Variants in ZNF765 observed in about 807,000 individuals in gnomAD.
The protein encoded by ZNF765 is zinc finger protein 765.
Under a neutral mutation model 44.7 loss-of-function variants are expected in ZNF765, and 37 were observed. The ratio of observed to expected loss-of-function variants is 0.83; its 90% confidence interval spans 0.64 to 1.09. The LOEUF (loss-of-function observed/expected upper bound fraction) is 1.09, where lower values mean the gene tolerates loss of function less well. Among genes scored for constraint, ZNF765 ranks in the 50% least tolerant of loss-of-function variants. The pLI, the probability that ZNF765 is intolerant of heterozygous loss-of-function variation, is 0.00. For synonymous variants in ZNF765, 201 were observed against 213.7 expected (o/e 0.94, Z 0.52); for missense variants, 594 against 626.1 (o/e 0.95, Z 0.55).
exon 4 of ZNF765, chr19:53,424,458 G>A (rs1024623484): frequency 6.6e-6 from 1 of 151,970 alleles, no homozygotes; most frequent in African/African-American, 2.4e-5. Context: ...TGTGTGACAA[G>A]AGTGATACTC....
downstream of ZNF765, among the ~76,000 whole-genome samples, chr19:53,413,894 C>T (rs993263330): frequency 4.5e-5 from 6 of 133,700 alleles, no homozygotes; most frequent in African/African-American, 1.4e-4. Context: ...ACAAACCTGC[C>T]TTCCATTTTA....
intron 2 of ZNF765, among the ~76,000 whole-genome samples, chr19:53,401,478 G>A (rs991601700): frequency 6.6e-6 from 1 of 152,070 alleles, no homozygotes; most frequent in African/African-American, 2.4e-5. Context: ...CAGGAGAATG[G>A]CGTGAACCGG....
Position 53,400,649 on chromosome 19 carries a change from A to G in ZNF765, c.16-1416A>G, listed in dbSNP as rs955293377. On this transcript the variant is annotated intron_variant, in intron 2 of 3. Transcript: ENST00000396408. Reference sequence around the variant, plus strand: ...TACATATACATACATATACACATGCACAAATATATATATTTTGAACAACTT... The same window carrying G: ...TACATATACATACATATACACATGCGCAAATATATATATTTTGAACAACTT... 4.6e-5 allele frequency among the ~76,000 whole-genome samples: 7 copies of G among 151,994 alleles called. No individual in the cohort carries two copies. The East Asian group carries it at 9.7e-4, about 21-fold the overall frequency.
chr19:53,414,999 C>T (rs113346784), downstream of ZNF765, among the ~76,000 whole-genome samples: 41,072 of 152,108 alleles, frequency 0.27, 7,071 homozygotes, highest in South Asian at 0.38. Context: ...TGGCCACGCA[C>T]GGTGGCTTAC....
At chr19:53,426,730 A>G (rs1007791574) in exon 4 of ZNF765, 1 of 148,244 alleles carries the variant, frequency 6.7e-6, no homozygotes, top group Non-Finnish European at 1.5e-5. Context: ...AGATCAAACT[A>G]ATGCCTGATG....
At chr19:53,395,993 TG>T (rs201612114) in intron 1 of ZNF765, among the ~76,000 whole-genome samples, 1,626 of 99,828 alleles carry the variant, frequency 0.016, 25 homozygotes, top group African/African-American at 0.049. Context: ...ACAGCAAATG[TG>T]GGGGAAAAAA....
At position 53,407,864 on chromosome 19, in the gene ZNF765, A is replaced by G; in HGVS notation, c.309A>G (p.Glu103=). Residue 103 remains glutamate (E), a synonymous_variant, in exon 4 of 4, where the codon GAA becomes GAG. Coordinates refer to ENST00000396408, the MANE Select transcript of ZNF765 (RefSeq NM_001040185.3). ...DIHDIEFQWQ[E]DERNGHEALM... is the part of the protein sequence containing the mutation. ...ATGACATTGAGTTTCAGTGGCAAGA[A>G]GATGAAAGAAATGGCCATGAAGCAC... 3 of 1,613,852 alleles carry G rather than the reference A, an allele frequency of 1.9e-6. No homozygotes were observed. The highest frequency in any genetic ancestry group is 2.5e-6 in the Non-Finnish European group (3 of 1,179,904).
chr19:53,401,875 TTAAA>T, intron 2 of ZNF765, 186 bp from the exon 3 acceptor site: 1 of 1,265,064 alleles, frequency 7.9e-7, no homozygotes, highest in Non-Finnish European at 1.1e-6. Context: ...GACTCCACCT[TTAAA>T]AAAAAAAAAA....
Position 53,411,267 on chromosome 19 carries a change from G to A in ZNF765, c.*2140G>A, listed in dbSNP as rs1440992047. On this transcript the variant is annotated 3_prime_UTR_variant, in exon 4 of 4. Coordinates refer to ENST00000396408, the MANE Select transcript of ZNF765 (RefSeq NM_001040185.3). ...GAGCCATTTTCCCAGCCTGTTTTTT[G>A]TTTCTTTAACAAAAACTGATAGGGA... 1 of 145,980 alleles carries A rather than the reference G, an allele frequency of 6.9e-6. No homozygotes were observed. Among genetic ancestry groups the A allele is most frequent in the Non-Finnish European group, 1.5e-5 (1 of 66,536 alleles). The allele number at this position is 145,980 out of a possible 1,614,324, so 9.0% of individuals were successfully genotyped here.
At position 53,407,956 on chromosome 19, in the gene ZNF765, A is replaced by T. The variant is rs773513889; in HGVS notation, c.401A>T (p.Lys134Met). ...ERYDQNYAGN[K>M]PVKYQLGFSF... Reference sequence around the variant, plus strand: ...TATGATCAAAATTATGCTGGAAACAAGCCTGTTAAATATCAGCTTGGATTC... The same window carrying T: ...TATGATCAAAATTATGCTGGAAACATGCCTGTTAAATATCAGCTTGGATTC... Residue 134 changes from lysine to methionine, a missense_variant, in exon 4 of 4, where the codon AAG becomes ATG. Transcript: ENST00000396408. 1.4e-5 allele frequency: 23 copies of T among 1,614,090 alleles called. 1 individual carries two copies. The Admixed American group carries it at 3.8e-4, about 27-fold the overall frequency.
Position 53,408,564 on chromosome 19 carries a change from A to G in ZNF765, c.1009A>G (p.Ser337Gly), listed in dbSNP as rs750489419. ...GTGTAATGAGTGTGGCAAGACCTTT[A>G]GTCAGAAGTCGTACCTTACATGCCA... ...YKCNECGKTFSQKSYLTCHRR... is the reference protein window; with the variant it reads ...YKCNECGKTFGQKSYLTCHRR... Residue 337 changes from serine to glycine, a missense_variant, in exon 4 of 4, where the codon AGT becomes GGT. Transcript: ENST00000396408. The G allele has an allele frequency of 6.2e-7, 1 of 1,612,044 alleles. No individual in the cohort carries two copies. The highest frequency in any genetic ancestry group is 8.5e-7 in the Non-Finnish European group (1 of 1,178,940).
chr19:53,404,619 A>ATGTG (rs72178377), intron 3 of ZNF765, among the ~76,000 whole-genome samples: 2 of 149,694 alleles, frequency 1.3e-5, no homozygotes, highest in African/African-American at 4.9e-5. Context: ...CACCTGGCTA[A>ATGTG]TGTGTGTGTG....
chr19:53,395,783 C>G (rs1194270078), intron 1 of ZNF765, among the ~76,000 whole-genome samples: 2 of 152,180 alleles, frequency 1.3e-5, no homozygotes, highest in African/African-American at 2.4e-5. Flanking sequence ...CAGCTCCAGC[C>G]CCTGGAAAAT....
chr19:53,409,160 C>T lies in ZNF765; in HGVS notation c.*33C>T. On this transcript the variant is annotated 3_prime_UTR_variant, in exon 4 of 4. Transcript: ENST00000396408. ...GGTAAGACCTTCAATCAGGAGTTAA[C>T]CCTTACATGCCATCGTAGGCTTCAT... The T allele has an allele frequency of 6.6e-7, 1 of 1,520,892 alleles. No homozygotes were observed. Among genetic ancestry groups the T allele is most frequent in the African/African-American group, 1.4e-5 (1 of 72,720 alleles). The allele number at this position is 1,520,892 out of a possible 1,614,324, so 94.2% of individuals were successfully genotyped here.
At chr19:53,396,558 GA>G (rs2085672500) in intron 1 of ZNF765, among the ~76,000 whole-genome samples, 1 of 152,068 alleles carries the variant, frequency 6.6e-6, no homozygotes, top group South Asian at 2.1e-4. Flanking sequence ...TGCATTGAAA[GA>G]AAAACAAGAA....
At chr19:53,417,912 C>T (rs556864514) in intron 3 of ZNF765, among the ~76,000 whole-genome samples, 5 of 152,254 alleles carry the variant, frequency 3.3e-5, no homozygotes, top group East Asian at 3.9e-4. Flanking sequence ...CTGAGACATA[C>T]GTAGTGTGCG....
chr19:53,396,287 AG>A (rs1187994392), intron 1 of ZNF765, among the ~76,000 whole-genome samples: 15 of 152,234 alleles, frequency 9.9e-5, no homozygotes, highest in South Asian at 2.1e-4. Context: ...CAGGGAGAGC[AG>A]AGGAGGCGCA....
intron 2 of ZNF765, among the ~76,000 whole-genome samples, chr19:53,401,302 G>A (rs193161080): frequency 2.1e-4 from 32 of 152,290 alleles, no homozygotes; most frequent in Non-Finnish European, 4.3e-4. Flanking sequence ...TGTGTCTGAC[G>A]CCTGTAATCC....
At chr19:53,415,093 G>A (rs1004782610), downstream of ZNF765, among the ~76,000 whole-genome samples, 1 of 152,026 alleles carries the variant, frequency 6.6e-6, no homozygotes, top group Non-Finnish European at 1.5e-5. Context: ...CCAACATGGT[G>A]AAACTTGTCT....
Sources: gnomAD v4.1 joint callset for allele counts (sites outside exome capture counted in the v4.1 genomes callset) on GRCh38, gnomAD v4.1.1 for gene constraint, MANE v1.5 for transcripts, NCBI Gene and HGNC (gene_info 2026-07-23, HGNC 2026-07-21) for gene names.